The following CADM2 variants were observed in gnomAD, a reference collection of about 807,000 sequenced individuals.
CADM2 encodes immunoglobulin superfamily member 4D.
A neutral mutation model predicts 49.8 loss-of-function variants in CADM2; 12 were observed. The ratio of observed to expected loss-of-function variants is 0.24; its 90% CI spans 0.15 to 0.39. The LOEUF (loss-of-function observed/expected upper bound fraction) is 0.39, where lower values mean the gene tolerates loss of function less well. Among genes scored for constraint, CADM2 ranks in the 10% least tolerant of loss-of-function variants. The pLI, the probability that CADM2 is intolerant of heterozygous loss-of-function variation, is 1.00. For synonymous variants in CADM2, 214 were observed against 175.4 expected, an observed-to-expected ratio of 1.22 and a Z score of -1.74; for missense variants, 378 against 492.3, an observed-to-expected ratio of 0.77 and a Z score of 2.20.
intron 7 of CADM2, among the ~76,000 whole-genome samples, chr3:85,956,817 A>G (rs1163932923): frequency 6.6e-6 from 1 of 151,714 alleles, no homozygotes; most frequent in African/African-American, 2.4e-5. Context: ...AAAAAAGCTT[A>G]TAAACAGAAC....
intron 1 of CADM2, among the ~76,000 whole-genome samples, chr3:85,398,911 C>T (rs1406922072): frequency 6.6e-6 from 1 of 152,082 alleles, no homozygotes; most frequent in Admixed American, 6.6e-5. Flanking sequence ...AGCCCTTTGT[C>T]AGATGAGTAG....
chr3:85,582,905 C>G (rs2062836266), intron 1 of CADM2, among the ~76,000 whole-genome samples: 1 of 152,076 alleles, frequency 6.6e-6, no homozygotes, highest in Non-Finnish European at 1.5e-5. Context: ...AAGTCATTTA[C>G]TTACCTTCTC....
At chr3:85,509,060 G>GGCCC (rs2040490654) in intron 1 of CADM2, among the ~76,000 whole-genome samples, 2 of 152,122 alleles carry the variant, frequency 1.3e-5, no homozygotes, top group Non-Finnish European at 2.9e-5. Flanking sequence ...AAAAAGGAAT[G>GGCCC]ATGATCTCCA....
At chr3:85,141,410 T>C (rs1299445690) in intron 1 of CADM2, among the ~76,000 whole-genome samples, 1 of 152,140 alleles carries the variant, frequency 6.6e-6, no homozygotes, top group East Asian at 1.9e-4. Flanking sequence ...ATGGGAAACA[T>C]TGTAAAAACG....
chr3:85,099,187 C>T (rs1038565884), intron 1 of CADM2, among the ~76,000 whole-genome samples: 33 of 152,168 alleles, frequency 2.2e-4, no homozygotes, highest in African/African-American at 7.5e-4. Flanking sequence ...GTGAAGACAA[C>T]ATAATACATT....
At chr3:85,976,801 G>C (rs1266537642) in intron 8 of CADM2, among the ~76,000 whole-genome samples, 1 of 151,416 alleles carries the variant, frequency 6.6e-6, no homozygotes, top group Non-Finnish European at 1.5e-5. Flanking sequence ...AGATAAAAAA[G>C]AACCAGGCTA....
chr3:85,262,904 A>G (rs1288467306), intron 1 of CADM2, among the ~76,000 whole-genome samples: 1 of 147,994 alleles, frequency 6.8e-6, no homozygotes, highest in Non-Finnish European at 1.5e-5. Context: ...ATGTGTAAAT[A>G]TGATGTATTT....
At chr3:85,821,533 G>A (rs1449888697) in intron 3 of CADM2, among the ~76,000 whole-genome samples, 2 of 151,982 alleles carry the variant, frequency 1.3e-5, no homozygotes, top group Non-Finnish European at 2.9e-5. Context: ...TTTTTTCCTG[G>A]GACTAGAAAG....
chr3:85,907,614 A>T (rs1044421658), intron 5 of CADM2, among the ~76,000 whole-genome samples: 3 of 152,138 alleles, frequency 2.0e-5, no homozygotes, highest in African/African-American at 4.8e-5. Context: ...ATTTCATTAT[A>T]AAAGTGAAGG....
intron 1 of CADM2, among the ~76,000 whole-genome samples, chr3:85,240,827 CT>C (rs766219413): frequency 6.6e-6 from 1 of 151,360 alleles, no homozygotes; most frequent in Non-Finnish European, 1.5e-5. Flanking sequence ...TTAACTTTTT[CT>C]TTAACTTTTT....
intron 3 of CADM2, among the ~76,000 whole-genome samples, chr3:85,806,744 A>G (rs1015378420): frequency 2.6e-5 from 4 of 151,146 alleles, no homozygotes; most frequent in African/African-American, 9.9e-5. Context: ...CAAAAACAAA[A>G]CAAAACAAAA....
chr3:85,326,246 G>A (rs1385966092), intron 1 of CADM2, among the ~76,000 whole-genome samples: 1 of 151,902 alleles, frequency 6.6e-6, no homozygotes, highest in Non-Finnish European at 1.5e-5. Flanking sequence ...TGATTCTACA[G>A]CCTGTATTGT....
intron 1 of CADM2, among the ~76,000 whole-genome samples, chr3:85,532,669 A>G (rs997050268): frequency 1.3e-5 from 2 of 152,204 alleles, no homozygotes; most frequent in African/African-American, 4.8e-5. Context: ...GTATGTACCC[A>G]AAGGACTATA....
chr3:85,288,793 CCCT>C (rs1553704691), intron 1 of CADM2, among the ~76,000 whole-genome samples: 1 of 136,242 alleles, frequency 7.3e-6, no homozygotes, highest in African/African-American at 2.6e-5. Context: ...TGCCCCCCCC[CCCT>C]CTTTTTTTCC....
At chr3:85,568,573 T>C (rs1272447228) in intron 1 of CADM2, among the ~76,000 whole-genome samples, 1 of 147,788 alleles carries the variant, frequency 6.8e-6, no homozygotes, top group Non-Finnish European at 1.5e-5. Context: ...TTTCCTTCCT[T>C]CCTTCTTTCT....
chr3:85,064,701 T>C (rs561179583), intron 1 of CADM2, among the ~76,000 whole-genome samples: 4 of 152,256 alleles, frequency 2.6e-5, no homozygotes, highest in Non-Finnish European at 5.9e-5. Flanking sequence ...TATTTAGACA[T>C]ACTGGCAATA....
At chr3:85,345,313 C>CAAA (rs3085180) in intron 1 of CADM2, among the ~76,000 whole-genome samples, 1,814 of 47,076 alleles carry the variant, frequency 0.039, 241 homozygotes, top group Middle Eastern at 0.062. Context: ...GTCTCCATCT[C>CAAA]AAAAAAAAAA....
At chr3:85,928,632 T>A (rs1172494068) in intron 6 of CADM2, among the ~76,000 whole-genome samples, 1 of 152,216 alleles carries the variant, frequency 6.6e-6, no homozygotes, top group African/African-American at 2.4e-5. Flanking sequence ...TATTTTTTGT[T>A]TCTACAAAAG....
chr3:86,065,582 C>A (rs1208562582), intron 8 of CADM2, 23 bp from the exon 9 acceptor site: 2 of 1,601,446 alleles, frequency 1.2e-6, no homozygotes, highest in Non-Finnish European at 8.5e-7. Flanking sequence ...TTAAATAGAA[C>A]AATATTTTCC....
Sources: gnomAD v4.1 joint callset for allele counts (sites outside exome capture counted in the v4.1 genomes callset) on GRCh38, gnomAD v4.1.1 for gene constraint, MANE v1.5 for transcripts, NCBI Gene and HGNC (gene_info 2026-07-23, HGNC 2026-07-21) for gene names.